The following MRTFB variants were observed in gnomAD, a reference collection of about 807,000 sequenced individuals.
The protein encoded by MRTFB is myocardin-related transcription factor B.
In MRTFB, 29 loss-of-function variants were observed where a neutral mutation model predicts 104.2. That is an observed-to-expected ratio of 0.28 (90% confidence interval 0.21 to 0.38). The LOEUF is 0.38. MRTFB is among the 10% of genes least tolerant of loss of function. The pLI is 1.00. For missense variants in MRTFB, 1,270 were observed against 1,341.6 expected (o/e 0.95, Z 0.83); for synonymous variants, 535 against 519.5 (o/e 1.03, Z -0.41).
intron 12 of MRTFB, 40 bp downstream of exon 12, chr16:14,247,547 G>A (rs1363192880): frequency 6.7e-7 from 1 of 1,497,498 alleles, no homozygotes; most frequent in East Asian, 2.5e-5. Context: ...CTTACAGCAT[G>A]CATGGAATGC....
intron 1 of MRTFB, among the ~76,000 whole-genome samples, chr16:14,074,004 C>G (rs1485406548): frequency 6.6e-6 from 1 of 152,104 alleles, no homozygotes; most frequent in Non-Finnish European, 1.5e-5. Context: ...ATATATGTTA[C>G]AATGTTACCT....
At chr16:14,168,485 G>A (rs2039322104) in intron 3 of MRTFB, among the ~76,000 whole-genome samples, 2 of 152,148 alleles carry the variant, frequency 1.3e-5, no homozygotes, top group African/African-American at 4.8e-5. Flanking sequence ...TCATATGAAT[G>A]GAATCATGCA....
intron 3 of MRTFB, among the ~76,000 whole-genome samples, chr16:14,155,514 T>C (rs1199914069): frequency 1.3e-5 from 2 of 152,262 alleles, no homozygotes; most frequent in Admixed American, 1.3e-4. Context: ...GATATAATTT[T>C]GTGAATGTTG....
rs765040814 is a variant in MRTFB at position 14,247,253 on chromosome 16, G to A, written c.1993G>A (p.Val665Ile). The A allele has an allele frequency of 1.5e-5, 25 of 1,614,044 alleles. No individual in the cohort carries two copies. The highest frequency in any genetic ancestry group is 1.6e-4 in the Middle Eastern group (1 of 6,084). Residue 665 changes from valine to isoleucine, a missense_variant, in exon 12 of 17, where the codon GTC becomes ATC. By Grantham distance (29) the Val-to-Ile change is conservative. Around this residue, in one of 3 missense-constraint regions of MRTFB, gnomAD observed 1,144 missense variants for 1,131.5 expected, o/e 1.01. Coordinates refer to ENST00000571589, the MANE Select transcript of MRTFB (RefSeq NM_001308142.2). ...AGCCAGCCACGCTGTAGGCCAGCCC[G>A]TCTCTACAGGTGGCCAGACCCTTGT... Reference protein sequence around the residue: ...PVASHAVGQPVSTGGQTLVAK... With the variant: ...PVASHAVGQPISTGGQTLVAK...
chr16:14,005,691 G>T, the MRTFB span, among the ~76,000 whole-genome samples: 1 of 152,196 alleles, frequency 6.6e-6, no homozygotes, highest in African/African-American at 2.4e-5. Context: ...CCCAGAGATT[G>T]CTGGATTCAA....
At chr16:14,003,583 T>A in the MRTFB span, among the ~76,000 whole-genome samples, 1 of 151,250 alleles carries the variant, frequency 6.6e-6, no homozygotes, top group African/African-American at 2.4e-5. Context: ...AGACCACTGC[T>A]TGAGCCCCTC....
At chr16:14,012,203 C>A in the MRTFB span, among the ~76,000 whole-genome samples, 2 of 149,466 alleles carry the variant, frequency 1.3e-5, no homozygotes, top group Non-Finnish European at 3.0e-5. Context: ...GGGCAGGCAA[C>A]GACCTTGACA....
intron 3 of MRTFB, chr16:14,170,315 G>C (rs75861601): frequency 2.0e-5 from 3 of 152,214 alleles, no homozygotes; most frequent in Non-Finnish European, 4.4e-5. Flanking sequence ...GTAGCTGGGC[G>C]TGGTGATGCA....
chr16:14,056,490 C>A, the MRTFB span, among the ~76,000 whole-genome samples: 2 of 152,196 alleles, frequency 1.3e-5, no homozygotes, highest in South Asian at 2.1e-4. Context: ...TTCCAATAAA[C>A]CCCAATTATT....
At chr16:14,064,837 A>G in the MRTFB span, among the ~76,000 whole-genome samples, 3 of 152,164 alleles carry the variant, frequency 2.0e-5, no homozygotes, top group Non-Finnish European at 4.4e-5. Context: ...TTTGTACCAG[A>G]ACCACGCTGT....
intron 2 of MRTFB, among the ~76,000 whole-genome samples, chr16:14,123,305 A>ATTTGTCACTT (rs371861208): frequency 6.6e-6 from 1 of 151,292 alleles, no homozygotes; most frequent in African/African-American, 2.4e-5. Flanking sequence ...ATTAGATGCC[A>ATTTGTCACTT]TTGGCTTTTG....
At chr16:13,995,897 G>A in the MRTFB span, among the ~76,000 whole-genome samples, 1 of 152,098 alleles carries the variant, frequency 6.6e-6, no homozygotes, top group Non-Finnish European at 1.5e-5. Context: ...AATTCCACAT[G>A]AGATTTGGGT....
At chr16:14,229,196 T>C (rs1458522855) in intron 8 of MRTFB, among the ~76,000 whole-genome samples, 1 of 152,194 alleles carries the variant, frequency 6.6e-6, no homozygotes, top group Non-Finnish European at 1.5e-5. Context: ...AAATTCACTT[T>C]TAATATTCAC....
At chr16:14,068,963 CTTTTTTTT>C (rs989515330), upstream of MRTFB, among the ~76,000 whole-genome samples, 47 of 100,172 alleles carry the variant, frequency 4.7e-4, no homozygotes, top group African/African-American at 1.9e-3. Flanking sequence ...GATTCTCCAG[CTTTTTTTT>C]TTTTTTTTTT....
the MRTFB span, among the ~76,000 whole-genome samples, chr16:14,048,519 A>G: frequency 6.6e-6 from 1 of 152,104 alleles, no homozygotes; most frequent in Non-Finnish European, 1.5e-5. Flanking sequence ...GAGCCTGGGA[A>G]TAATGGGCAG....
chr16:14,135,397 C>T (rs144633187), intron 2 of MRTFB, among the ~76,000 whole-genome samples: 28 of 152,314 alleles, frequency 1.8e-4, no homozygotes, highest in Admixed American at 4.6e-4. Flanking sequence ...CACATACTTA[C>T]CATTGTGTTA....
At chr16:14,031,897 TC>T in the MRTFB span, among the ~76,000 whole-genome samples, 1 of 152,218 alleles carries the variant, frequency 6.6e-6, no homozygotes, top group African/African-American at 2.4e-5. Flanking sequence ...AACCTCCGTC[TC>T]CCGGGTTCAT....
chr16:14,077,111 A>G (rs1177429743), intron 1 of MRTFB, among the ~76,000 whole-genome samples: 2 of 152,212 alleles, frequency 1.3e-5, no homozygotes, highest in Non-Finnish European at 2.9e-5. Flanking sequence ...GAAGGCTTAA[A>G]TATGGCTTTC....
chr16:14,017,912 G>A, the MRTFB span, among the ~76,000 whole-genome samples: 3 of 150,150 alleles, frequency 2.0e-5, no homozygotes. Context: ...TATAGAAATG[G>A]GTTCTTGCTA....
Sources: gnomAD v4.1 joint callset for allele counts (sites outside exome capture counted in the v4.1 genomes callset) on GRCh38, gnomAD v4.1.1 for gene constraint, gnomAD v4.1.1 regional missense constraint, MANE v1.5 for transcripts, NCBI Gene and HGNC (gene_info 2026-07-23, HGNC 2026-07-21) for gene names.